EBF1: variants seen among roughly 807,000 people sequenced by gnomAD.
The protein encoded by EBF1 is EBF transcription factor 1.
EBF1 carries 10 observed loss-of-function variants against 68.4 expected under a neutral mutation model. The observed-to-expected ratio is 0.15, with a 90% confidence interval of 0.09 to 0.25. The LOEUF is 0.25. Ranked by LOEUF, EBF1 falls within the 10% of genes least tolerant of loss-of-function variation. The pLI is 1.00. For synonymous variants in EBF1, 298 were observed against 299.8 expected (o/e 0.99, Z 0.06); for missense variants, 509 against 794.4 (o/e 0.64, Z 4.32).
At chr5:158,961,967 C>T (rs1250015353) in intron 6 of EBF1, among the ~76,000 whole-genome samples, 1 of 152,144 alleles carries the variant, frequency 6.6e-6, no homozygotes, top group Non-Finnish European at 1.5e-5. Flanking sequence ...TGGTTAGTGG[C>T]ACAAATGCAT....
intron 6 of EBF1, among the ~76,000 whole-genome samples, chr5:158,863,405 C>T (rs1475846117): frequency 6.6e-6 from 1 of 152,168 alleles, no homozygotes; most frequent in Non-Finnish European, 1.5e-5. Context: ...TACCAATCTC[C>T]CCGGAATGAG....
At chr5:158,942,849 G>A (rs184315895) in intron 6 of EBF1, among the ~76,000 whole-genome samples, 8 of 147,306 alleles carry the variant, frequency 5.4e-5, no homozygotes, top group Admixed American at 1.4e-4. Flanking sequence ...GAATGTGGTC[G>A]AAGGAGGAGG....
intron 6 of EBF1, among the ~76,000 whole-genome samples, chr5:159,010,500 T>C (rs751071844): frequency 7.2e-5 from 11 of 152,110 alleles, no homozygotes; most frequent in Admixed American, 1.3e-4. Flanking sequence ...CCCAGAAGCA[T>C]GACTAGTTTG....
chr5:159,037,830 C>T (rs1265815418), intron 6 of EBF1, among the ~76,000 whole-genome samples: 1 of 152,084 alleles, frequency 6.6e-6, no homozygotes, highest in Non-Finnish European at 1.5e-5. Flanking sequence ...AGATCAGCTC[C>T]TCTCTCAACC....
chr5:158,992,023 G>C (rs1231723090), intron 6 of EBF1, among the ~76,000 whole-genome samples: 10 of 152,116 alleles, frequency 6.6e-5, no homozygotes, highest in Admixed American at 6.5e-4. Context: ...AGGGTTGAGG[G>C]GAGATAGACT....
At chr5:158,716,283 C>T (rs1198590989) in intron 11 of EBF1, among the ~76,000 whole-genome samples, 1 of 151,886 alleles carries the variant, frequency 6.6e-6, no homozygotes, top group Non-Finnish European at 1.5e-5. Context: ...TGTCGATATC[C>T]AGAGCTCTCA....
intron 6 of EBF1, among the ~76,000 whole-genome samples, chr5:158,921,500 C>T (rs1403541162): frequency 1.3e-5 from 2 of 152,250 alleles, no homozygotes; most frequent in African/African-American, 4.8e-5. Flanking sequence ...GGTGAAATAA[C>T]CTTTCTTTAA....
intron 14 of EBF1, among the ~76,000 whole-genome samples, chr5:158,708,955 G>C (rs1175761199): frequency 6.6e-6 from 1 of 152,176 alleles, no homozygotes; most frequent in Non-Finnish European, 1.5e-5. Context: ...CCAATGATGG[G>C]AAAACTCTGG....
At chr5:158,970,383 G>A (rs1755396261) in intron 6 of EBF1, among the ~76,000 whole-genome samples, 2 of 152,120 alleles carry the variant, frequency 1.3e-5, no homozygotes, top group Non-Finnish European at 2.9e-5. Flanking sequence ...GGAGACAAAA[G>A]TCACCTGGGG....
chr5:158,841,125 A>G (rs989950597), intron 6 of EBF1, among the ~76,000 whole-genome samples: 2 of 152,200 alleles, frequency 1.3e-5, no homozygotes, highest in African/African-American at 4.8e-5. Flanking sequence ...CAATTTGCCA[A>G]GAAAAATCCC....
intron 6 of EBF1, among the ~76,000 whole-genome samples, chr5:158,894,646 A>G (rs1440273814): frequency 6.6e-6 from 1 of 152,208 alleles, no homozygotes; most frequent in African/African-American, 2.4e-5. Context: ...CTCTTTCAAC[A>G]TCACAGAGAA....
At chr5:158,976,992 T>G (rs1756903849) in intron 6 of EBF1, among the ~76,000 whole-genome samples, 1 of 152,292 alleles carries the variant, frequency 6.6e-6, no homozygotes, top group Non-Finnish European at 1.5e-5. Flanking sequence ...AGTCATCCCA[T>G]GCACAGAAGG....
chr5:159,077,216 C>T (rs1290285454), intron 5 of EBF1, among the ~76,000 whole-genome samples: 3 of 152,180 alleles, frequency 2.0e-5, no homozygotes, highest in South Asian at 2.1e-4. Flanking sequence ...GGGTAGATCA[C>T]CTGAGGTCAG....
At chr5:158,776,399 A>T (rs1215551246) in intron 10 of EBF1, among the ~76,000 whole-genome samples, 3 of 152,130 alleles carry the variant, frequency 2.0e-5, no homozygotes, top group African/African-American at 7.2e-5. Context: ...AGATGCTCTG[A>T]AGTAAAATGT....
chr5:159,084,633 C>A, intron 5 of EBF1, 33 bp downstream of exon 5: 2 of 1,485,294 alleles, frequency 1.3e-6, no homozygotes, highest in Non-Finnish European at 1.8e-6. Context: ...CTTCTCTTTG[C>A]TAATTAACGG....
intron 10 of EBF1, among the ~76,000 whole-genome samples, chr5:158,754,446 A>T (rs1769606587): frequency 6.6e-6 from 1 of 152,154 alleles, no homozygotes; most frequent in African/African-American, 2.4e-5. Context: ...GATCGCCACG[A>T]TGTTGCAATA....
At chr5:158,893,801 A>G (rs1427261252) in intron 6 of EBF1, among the ~76,000 whole-genome samples, 2 of 152,180 alleles carry the variant, frequency 1.3e-5, no homozygotes, top group Non-Finnish European at 2.9e-5. Flanking sequence ...ATCCAGCCCC[A>G]TTTATCTTCA....
intron 4 of EBF1, among the ~76,000 whole-genome samples, chr5:159,086,564 C>T (rs1339681435): frequency 6.6e-6 from 1 of 152,132 alleles, no homozygotes; most frequent in Non-Finnish European, 1.5e-5. Flanking sequence ...CCTGCGTTTC[C>T]TCAGGCTTGG....
intron 6 of EBF1, among the ~76,000 whole-genome samples, chr5:158,849,986 T>A (rs1792316030): frequency 6.6e-6 from 1 of 152,228 alleles, no homozygotes; most frequent in South Asian, 2.1e-4. Flanking sequence ...CTCTGTAAAA[T>A]GTACATCATT....
Sources: allele counts gnomAD v4.1 joint callset (sites outside exome capture counted in the v4.1 genomes callset), GRCh38; gene constraint gnomAD v4.1.1; transcripts MANE v1.5; gene names NCBI Gene and HGNC (gene_info 2026-07-23, HGNC 2026-07-21).